Variants in CAMTA1 observed in about 807,000 individuals in gnomAD.
The protein encoded by CAMTA1 is calmodulin-binding transcription activator 1.
Under a neutral mutation model 170.9 loss-of-function variants are expected in CAMTA1, and 27 were observed. The observed-to-expected ratio is 0.16, with a 90% CI of 0.12 to 0.22. The LOEUF is 0.22. Ranked by LOEUF, CAMTA1 falls within the 10% of genes least tolerant of loss-of-function variation. The probability of loss-of-function intolerance (pLI) is 1.00; values close to 1 mark genes in which losing one functional copy is unlikely to be tolerated. For missense variants in CAMTA1, 1,619 were observed against 2,217.2 expected, an observed-to-expected ratio of 0.73 and a Z score of 5.42; for synonymous variants, 833 against 891.5, an observed-to-expected ratio of 0.93 and a Z score of 1.17.
intron 11 of CAMTA1, among the ~76,000 whole-genome samples, chr1:7,729,250 G>A (rs935024909): frequency 4.0e-5 from 6 of 151,736 alleles, no homozygotes; most frequent in African/African-American, 9.7e-5. Context: ...CTGAGTAGCT[G>A]GGACTACAGG....
In CAMTA1 at chr1:7,103,639, G is replaced by A. The variant is rs555140558; in HGVS notation, c.302+12268G>A. ...CACACGCACACACAACTACACACAC[G>A]CACACACAACACAACACATGTACAC... On this transcript the variant is annotated intron_variant, in intron 4 of 22. Coordinates refer to ENST00000303635, the MANE Select transcript of CAMTA1 (RefSeq NM_015215.4). 1.5e-4 allele frequency among the ~76,000 whole-genome samples: 16 copies of A among 107,798 alleles called. No homozygotes were observed. The Middle Eastern group carries it at 0.025, about 168-fold the overall frequency. The allele number at this position is 107,798 out of a possible 152,430, so 70.7% of individuals were successfully genotyped here. A position where few individuals can be genotyped will look rare whatever the true frequency, so the allele number is the denominator to read the frequency against.
chr1:7,601,458 T>C (rs1393800023), intron 6 of CAMTA1, among the ~76,000 whole-genome samples: 1 of 142,078 alleles, frequency 7.0e-6, no homozygotes, highest in Non-Finnish European at 1.5e-5. Context: ...CTTTCCAGAC[T>C]GGGCAGCCAG....
intron 5 of CAMTA1, among the ~76,000 whole-genome samples, chr1:7,450,635 A>T (rs1002890611): frequency 4.6e-5 from 7 of 152,362 alleles, no homozygotes; most frequent in African/African-American, 1.7e-4. Context: ...TTAGCAGCAC[A>T]TTGGATTCCA....
intron 4 of CAMTA1, among the ~76,000 whole-genome samples, chr1:7,198,048 A>G (rs1055556359): frequency 1.3e-5 from 2 of 152,108 alleles, no homozygotes; most frequent in African/African-American, 4.8e-5. Flanking sequence ...TTAGACATGG[A>G]CATTTCTTGT....
chr1:7,363,456 CT>C (rs1465196182), intron 5 of CAMTA1, among the ~76,000 whole-genome samples: 1 of 151,966 alleles, frequency 6.6e-6, no homozygotes, highest in Non-Finnish European at 1.5e-5. Context: ...TGGGGGTGAC[CT>C]TTTGTAGAAC....
At chr1:6,804,289 A>T (rs1044367076) in intron 1 of CAMTA1, among the ~76,000 whole-genome samples, 4 of 146,256 alleles carry the variant, frequency 2.7e-5, no homozygotes, top group African/African-American at 5.1e-5. Flanking sequence ...AAGTGCTGGG[A>T]TTGCAGGTAT....
intron 5 of CAMTA1, among the ~76,000 whole-genome samples, chr1:7,342,539 C>T (rs1219403859): frequency 1.3e-5 from 2 of 152,108 alleles, no homozygotes; most frequent in Non-Finnish European, 2.9e-5. Context: ...AAACCACCCC[C>T]ATCATCATGG....
At chr1:6,828,104 A>G (rs1240085615) in intron 3 of CAMTA1, among the ~76,000 whole-genome samples, 2 of 151,918 alleles carry the variant, frequency 1.3e-5, no homozygotes, top group Non-Finnish European at 2.9e-5. Context: ...TCTGTTCTCC[A>G]TGTTCGTGTG....
At position 7,091,309 on chromosome 1, in the gene CAMTA1, T is replaced by C. The variant is rs749758954; in HGVS notation, c.240T>C (p.Ile80=). ...ERHRWNTNEE[I]AAYLITFEKH... is the part of the protein sequence containing the mutation. ...TTTTTATTCTTCTGTTTCAGGAAAT[T>C]GCAGCTTATTTAATAACATTTGAGA... Residue 80 remains isoleucine (I), a synonymous_variant, in exon 4 of 23, where the codon ATT becomes ATC. Transcript: ENST00000303635. 5 of 1,606,922 alleles carry C rather than the reference T, an allele frequency of 3.1e-6. No homozygotes were observed. The highest frequency in any genetic ancestry group is 1.1e-5 in the South Asian group (1 of 90,932).
At chr1:7,143,381 T>C (rs1204017521) in intron 4 of CAMTA1, among the ~76,000 whole-genome samples, 1 of 152,244 alleles carries the variant, frequency 6.6e-6, no homozygotes, top group East Asian at 1.9e-4. Context: ...TGAGACACTT[T>C]GGAATGTTCC....
intron 5 of CAMTA1, among the ~76,000 whole-genome samples, chr1:7,277,320 T>C (rs1195206130): frequency 6.6e-6 from 1 of 152,220 alleles, no homozygotes; most frequent in Admixed American, 6.5e-5. Context: ...CAATACTTAA[T>C]CTAAAGCTAC....
At chr1:7,556,656 TGGCC>T (rs1419658750) in intron 6 of CAMTA1, among the ~76,000 whole-genome samples, 1 of 152,098 alleles carries the variant, frequency 6.6e-6, no homozygotes, top group Non-Finnish European at 1.5e-5. Context: ...CCAGACACAC[TGGCC>T]TCTTGCAGGT....
At position 7,685,886 on chromosome 1, in the gene CAMTA1, C is replaced by A. The variant is rs563465621; in HGVS notation, c.2914+8153C>A. Among the ~76,000 whole-genome samples the A allele has an allele frequency of 6.6e-6, 1 of 152,162 alleles. No individual in the cohort carries two copies. Among genetic ancestry groups the A allele is most frequent in the African/African-American group, 2.4e-5 (1 of 41,424 alleles). Reference sequence around the variant, plus strand: ...CCTACCTCTCTGATAACATTCCTGACCCCTGTGGATAATCCCACCCAAAAA... The same window carrying A: ...CCTACCTCTCTGATAACATTCCTGAACCCTGTGGATAATCCCACCCAAAAA... On this transcript the variant is annotated intron_variant, in intron 11 of 22. Coordinates refer to ENST00000303635, the MANE Select transcript of CAMTA1 (RefSeq NM_015215.4). The surrounding 1 kb of genome is among the most constrained non-coding windows in gnomAD (Gnocchi z 5.7).
rs780582158 is a variant in CAMTA1 at position 7,663,742 on chromosome 1, G to C, written c.1195G>C (p.Val399Leu). Residue 399 changes from valine to leucine, a missense_variant, in exon 9 of 23, where the codon GTG becomes CTG. By Grantham distance (32) the Val-to-Leu change is conservative. Around this residue, in one of 8 missense-constraint regions of CAMTA1, gnomAD observed 731 missense variants for 907.6 expected, o/e 0.81. Transcript: ENST00000303635. ...GGGGAGCTTGTCCCAGAGCGCCACG[G>C]TGTTCATGTCAGAGGTCACCAATGA... ...VMGSLSQSAT[V>L]FMSEVTNEAV... The C allele has an allele frequency of 4.2e-5, 67 of 1,614,024 alleles. No homozygotes were observed. The highest frequency in any genetic ancestry group is 5.7e-5 in the Non-Finnish European group (67 of 1,179,960).
At chr1:7,017,128 G>A (rs947178035) in intron 3 of CAMTA1, among the ~76,000 whole-genome samples, 1 of 152,162 alleles carries the variant, frequency 6.6e-6, no homozygotes, top group Non-Finnish European at 1.5e-5. Context: ...GGTAGGCCCC[G>A]AGTCCCAGTT....
intron 5 of CAMTA1, among the ~76,000 whole-genome samples, chr1:7,315,095 A>C (rs974639816): frequency 1.3e-5 from 2 of 152,198 alleles, no homozygotes; most frequent in Non-Finnish European, 2.9e-5. Flanking sequence ...GAATGAGAAC[A>C]TGTCTGGAGG....
chr1:7,388,699 C>T (rs965557371), intron 5 of CAMTA1, among the ~76,000 whole-genome samples: 2 of 152,322 alleles, frequency 1.3e-5, no homozygotes, highest in South Asian at 2.1e-4. Context: ...TTCCTGAGGC[C>T]CAAGCCCCTG....
intron 3 of CAMTA1, among the ~76,000 whole-genome samples, chr1:6,889,745 A>T (rs1674111037): frequency 6.6e-6 from 1 of 152,170 alleles, no homozygotes; most frequent in Non-Finnish European, 1.5e-5. Context: ...AGATGCTGGG[A>T]TGGGTTATCC....
intron 11 of CAMTA1, among the ~76,000 whole-genome samples, chr1:7,728,563 G>T (rs1157950829): frequency 6.6e-6 from 1 of 152,256 alleles, no homozygotes; most frequent in African/African-American, 2.4e-5. Context: ...TCACAGATCT[G>T]TGGCTATGGA....
Sources: allele counts gnomAD v4.1 joint callset (sites outside exome capture counted in the v4.1 genomes callset), GRCh38; gene constraint gnomAD v4.1.1; regional missense constraint gnomAD v4.1.1; non-coding constraint Gnocchi (gnomAD v3.1); transcripts MANE v1.5; gene names NCBI Gene and HGNC (gene_info 2026-07-23, HGNC 2026-07-21).